The following ZC3H12B variants were observed in gnomAD, a reference collection of about 807,000 sequenced individuals.
ZC3H12B encodes zinc finger CCCH-type containing 12B, also known as probable ribonuclease ZC3H12B.
Under a neutral mutation model 43.9 loss-of-function variants are expected in ZC3H12B, and 7 were observed. The observed-to-expected ratio is 0.16, with a 90% confidence interval of 0.09 to 0.30. The LOEUF (loss-of-function observed/expected upper bound fraction) is 0.30, where lower values mean the gene tolerates loss of function less well. Among genes scored for constraint, ZC3H12B ranks in the 10% least tolerant of loss-of-function variants. The pLI is 1.00. For missense variants in ZC3H12B, 475 were observed against 670.2 expected, an observed-to-expected ratio of 0.71 and a Z score of 3.22; for synonymous variants, 222 against 241.7, an observed-to-expected ratio of 0.92 and a Z score of 0.76.
At chrX:65,212,860 G>A in the ZC3H12B span, among the ~76,000 whole-genome samples, 12 of 105,531 alleles carry the variant, frequency 1.1e-4, no homozygotes, top group African/African-American at 2.0e-4. Flanking sequence ...TGCCTGGAAT[G>A]TACTGGATAG....
chrX:65,202,659 T>TA, the ZC3H12B span, among the ~76,000 whole-genome samples: 7 of 111,501 alleles, frequency 6.3e-5, no homozygotes, highest in Non-Finnish European at 1.1e-4. Flanking sequence ...AGCACTCCTG[T>TA]AGTCACTACC....
the ZC3H12B span, among the ~76,000 whole-genome samples, chrX:65,211,902 A>G: frequency 2.6e-5 from 2 of 76,046 alleles, no homozygotes; most frequent in African/African-American, 5.5e-5. Context: ...TATATAATAT[A>G]TATGTTATGT....
chrX:65,490,220 G>A (rs888868138), intron 1 of ZC3H12B, among the ~76,000 whole-genome samples: 3 of 109,970 alleles, frequency 2.7e-5, no homozygotes, highest in African/African-American at 9.9e-5. Context: ...ATCAAAGTGG[G>A]CCTAATGTAA....
At chrX:65,195,524 C>T in the ZC3H12B span, among the ~76,000 whole-genome samples, 2 of 111,995 alleles carry the variant, frequency 1.8e-5, no homozygotes, top group African/African-American at 6.5e-5. Flanking sequence ...ATTGTACTAT[C>T]TATGTATATC....
chrX:65,092,803 C>T, the ZC3H12B span, among the ~76,000 whole-genome samples: 3 of 112,037 alleles, frequency 2.7e-5, no homozygotes, highest in African/African-American at 9.7e-5. Flanking sequence ...GCAGCCTGAC[C>T]ATGTGATAAA....
the ZC3H12B span, among the ~76,000 whole-genome samples, chrX:65,223,352 A>G: frequency 3.6e-5 from 4 of 112,115 alleles, no homozygotes; most frequent in East Asian, 5.6e-4. Context: ...TAAATCTAAG[A>G]TCTGAAACTG....
the ZC3H12B span, among the ~76,000 whole-genome samples, chrX:65,344,098 A>C: frequency 8.9e-6 from 1 of 112,277 alleles, no homozygotes; most frequent in African/African-American, 3.2e-5. Flanking sequence ...AAAAAGAATA[A>C]AATATCTAGG....
intron 3 of ZC3H12B, among the ~76,000 whole-genome samples, chrX:65,444,744 G>A (rs2067353429): frequency 2.7e-5 from 3 of 111,888 alleles, no homozygotes; most frequent in Admixed American, 9.5e-5. Flanking sequence ...AAGAAGACAG[G>A]AAAATGTGGA....
intron 2 of ZC3H12B, among the ~76,000 whole-genome samples, chrX:65,379,751 G>A (rs935663486): frequency 3.6e-5 from 4 of 112,087 alleles, no homozygotes; most frequent in Admixed American, 9.5e-5. Flanking sequence ...CCAATACAGC[G>A]AAGTGCTTAA....
intron 2 of ZC3H12B, among the ~76,000 whole-genome samples, chrX:65,377,973 C>T (rs963405707): frequency 9.0e-6 from 1 of 110,532 alleles, no homozygotes; most frequent in Non-Finnish European, 1.9e-5. Flanking sequence ...GTGGCTGGTG[C>T]CAGTAGTCCC....
the ZC3H12B span, among the ~76,000 whole-genome samples, chrX:65,348,092 G>T: frequency 4.5e-5 from 5 of 110,637 alleles, no homozygotes; most frequent in African/African-American, 1.6e-4. Flanking sequence ...GTGGGGTGGG[G>T]GGAGTGGGGG....
At chrX:65,448,182 C>A (rs760468864) in intron 3 of ZC3H12B, among the ~76,000 whole-genome samples, 1 of 110,746 alleles carries the variant, frequency 9.0e-6, no homozygotes, top group Non-Finnish European at 1.9e-5. Context: ...TTGCAGTGAG[C>A]CAAGACCACA....
the ZC3H12B span, among the ~76,000 whole-genome samples, chrX:65,268,302 A>G: frequency 8.9e-6 from 1 of 112,043 alleles, no homozygotes; most frequent in East Asian, 2.8e-4. Context: ...GGGACATATT[A>G]TTTTATGGCT....
At chrX:65,128,757 T>A in the ZC3H12B span, among the ~76,000 whole-genome samples, 3 of 112,073 alleles carry the variant, frequency 2.7e-5, no homozygotes, top group African/African-American at 6.5e-5. Context: ...ACAATTACGG[T>A]TGCTGAGACT....
chrX:65,341,796 CA>C, the ZC3H12B span, among the ~76,000 whole-genome samples: 184 of 97,460 alleles, frequency 1.9e-3, no homozygotes, highest in Admixed American at 1.7e-3. Flanking sequence ...AAAGCAACCA[CA>C]AAAAAAAAAA....
chrX:65,482,189 C>CT (rs893865097), intron 3 of ZC3H12B, among the ~76,000 whole-genome samples: 7 of 111,438 alleles, frequency 6.3e-5, no homozygotes, highest in African/African-American at 9.8e-5. Context: ...GAAAGGCAAT[C>CT]TTTTTTTCCA....
At chrX:65,280,794 CA>C in the ZC3H12B span, among the ~76,000 whole-genome samples, 3 of 110,627 alleles carry the variant, frequency 2.7e-5, no homozygotes, top group Non-Finnish European at 5.7e-5. Flanking sequence ...CAATAGCTAC[CA>C]AAAAAATAAA....
At chrX:65,232,850 C>T in the ZC3H12B span, among the ~76,000 whole-genome samples, 1 of 110,870 alleles carries the variant, frequency 9.0e-6, no homozygotes, top group East Asian at 2.8e-4. Flanking sequence ...CTAGAAGAAA[C>T]TTACTTCACC....
the ZC3H12B span, among the ~76,000 whole-genome samples, chrX:65,197,057 A>T: frequency 4.5e-5 from 5 of 112,008 alleles, no homozygotes; most frequent in African/African-American, 1.6e-4. Flanking sequence ...TTTCACAGAA[A>T]TGGAGCCAGC....
Sources: allele counts gnomAD v4.1 joint callset (sites outside exome capture counted in the v4.1 genomes callset), GRCh38; gene constraint gnomAD v4.1.1; transcripts MANE v1.5; gene names NCBI Gene and HGNC (gene_info 2026-07-23, HGNC 2026-07-21).